The following AKAP9 variants were observed in gnomAD, a reference collection of about 807,000 sequenced individuals.
AKAP9 encodes A-kinase anchoring protein 9.
In AKAP9, 311 loss-of-function variants were observed where a neutral mutation model predicts 488.5. The observed-to-expected ratio is 0.64, with a 90% confidence interval of 0.58 to 0.70. The LOEUF is 0.70. Ranked by LOEUF, AKAP9 falls within the 30% of genes least tolerant of loss-of-function variation. The pLI is 0.00. For missense variants in AKAP9, 4,215 were observed against 4,374.5 expected, an observed-to-expected ratio of 0.96 and a Z score of 1.03; for synonymous variants, 1,462 against 1,483.5, an observed-to-expected ratio of 0.99 and a Z score of 0.33.
rs371664197 is a variant in AKAP9, at chr7:91,995,691, A to G, written c.821A>G (p.Gln274Arg). ...GCCAAACAACAGATCCTCACTCATCAACAGCAGCTTGAAGAACAAGACCAC... is the reference window on the plus strand; with the variant it reads ...GCCAAACAACAGATCCTCACTCATCGACAGCAGCTTGAAGAACAAGACCAC... ...LQAKQQILTH[Q>R]QQLEEQDHLL... The change falls in exon 7 of 50, where the codon CAA (glutamine) becomes CGA (arginine). Residue 274 changes from glutamine (Q) to arginine (R), a missense_variant. Gln to Arg is a conservative substitution (Grantham distance 43). Around this residue, in one of 5 missense-constraint regions of AKAP9, gnomAD observed 2,361 missense variants for 2,430.0 expected, o/e 0.97. Transcript: ENST00000356239. 6.2e-6 allele frequency: 10 copies of G among 1,614,108 alleles called. No homozygotes were observed. In the African/African-American group the frequency reaches 9.3e-5, roughly 15 times the overall value.
intron 16 of AKAP9, among the ~76,000 whole-genome samples, chr7:92,032,592 C>T (rs1208899905): frequency 1.3e-5 from 2 of 151,658 alleles, no homozygotes; most frequent in Non-Finnish European, 2.9e-5. Flanking sequence ...TATAACAATC[C>T]CAATGGAATA....
chr7:91,963,485 C>CACAA (rs1794013261), intron 1 of AKAP9, among the ~76,000 whole-genome samples: 1 of 83,168 alleles, frequency 1.2e-5, no homozygotes, highest in Non-Finnish European at 2.2e-5. Flanking sequence ...ATATTTGTCA[C>CACAA]ACACACACAC....
At chr7:92,043,375 A>G (rs1806429785) in intron 20 of AKAP9, 10 of 969,222 alleles carry the variant, frequency 1.0e-5, no homozygotes, top group Non-Finnish European at 1.2e-5. Flanking sequence ...CAAGAAAGAC[A>G]GTGTATGAAA....
chr7:92,097,870 G>C (rs773249426), intron 42 of AKAP9, 76 bp downstream of exon 42: 47 of 1,430,282 alleles, frequency 3.3e-5, no homozygotes, highest in Non-Finnish European at 4.3e-5. Context: ...GGGACAGCTA[G>C]CCAAGGGTGG....
At chr7:91,954,589 G>C (rs1213837082) in intron 1 of AKAP9, among the ~76,000 whole-genome samples, 1 of 152,184 alleles carries the variant, frequency 6.6e-6, no homozygotes, top group East Asian at 1.9e-4. Context: ...ACTTTAAAAA[G>C]AAAGAAGGGG....
intron 1 of AKAP9, among the ~76,000 whole-genome samples, chr7:91,971,136 G>A (rs767105303): frequency 1.2e-4 from 18 of 152,062 alleles, no homozygotes; most frequent in Admixed American, 1.2e-3. Context: ...ATATTTCGAG[G>A]TAATTTTCTG....
rs746651292 is a variant in AKAP9, at chr7:92,012,491, T to C, written c.3381T>C (p.His1127=). 10 of 1,613,940 alleles carry C rather than the reference T, an allele frequency of 6.2e-6. No homozygotes were observed. The East Asian group carries it at 6.7e-5, about 11-fold the overall frequency. ...GCCTCTCTCTGGTTTATTCAACTCA[T>C]GTGGATCAGGTTCGTGAATATATGG... ...RICLSLVYST[H]VDQVREYMEN... is the part of the protein sequence containing the mutation. The change falls in exon 9 of 50, where the codon CAT becomes CAC. Residue 1127 remains histidine, a synonymous_variant. Coordinates refer to ENST00000356239, the MANE Select transcript of AKAP9 (RefSeq NM_005751.5).
At chr7:92,010,337 G>T (rs773816118) in intron 8 of AKAP9, among the ~76,000 whole-genome samples, 3 of 152,206 alleles carry the variant, frequency 2.0e-5, no homozygotes, top group South Asian at 2.1e-4. Context: ...TTGATCATTC[G>T]CAGGACTGCT....
At chr7:91,955,450 G>GT (rs1792867094) in intron 1 of AKAP9, among the ~76,000 whole-genome samples, 1 of 151,996 alleles carries the variant, frequency 6.6e-6, no homozygotes, top group African/African-American at 2.4e-5. Flanking sequence ...TTCTAAATTT[G>GT]TTTATTTCCT....
chr7:91,985,898 C>G (rs1055313323), intron 3 of AKAP9, among the ~76,000 whole-genome samples: 3 of 152,158 alleles, frequency 2.0e-5, no homozygotes, highest in Admixed American at 2.0e-4. Flanking sequence ...CTCCCCACCT[C>G]GGCCTCCTAA....
intron 3 of AKAP9, among the ~76,000 whole-genome samples, chr7:91,985,674 G>T (rs892033386): frequency 6.6e-6 from 1 of 151,952 alleles, no homozygotes; most frequent in Admixed American, 6.6e-5. Context: ...CTGTGGCGGA[G>T]TCTCACTCTT....
chr7:92,002,371 G>A lies in AKAP9; in HGVS notation c.2454G>A (p.Trp818Ter). Residue 818 changes from tryptophan (W) to a stop codon, truncating the protein, a stop_gained, in exon 8 of 50, where the codon TGG becomes TGA. Transcript: ENST00000356239. LOFTEE classifies it high-confidence loss of function. ...AGTCCAAATCCAAAGACTCTGTGTGGGAAAAAGAAATAGAAATACTTATAG... is the reference window on the plus strand; with the variant it reads ...AGTCCAAATCCAAAGACTCTGTGTGAGAAAAAGAAATAGAAATACTTATAG... ...SIKSKSKDSV[W>*]EKEIEILIEE... is the part of the protein sequence containing the mutation. 1.2e-6 allele frequency: 2 copies of A among 1,611,438 alleles called. No homozygotes were observed. Among genetic ancestry groups the A allele is most frequent in the Non-Finnish European group, 1.7e-6 (2 of 1,179,014 alleles).
chr7:91,968,209 G>A (rs926192501), intron 1 of AKAP9, among the ~76,000 whole-genome samples: 1 of 152,206 alleles, frequency 6.6e-6, no homozygotes, highest in East Asian at 1.9e-4. Flanking sequence ...CTCTGAAAGT[G>A]CTGAGATTAC....
At chr7:92,052,662 T>C (rs772621473) in intron 21 of AKAP9, 64 bp from the exon 22 acceptor site, 287 of 1,194,478 alleles carry the variant, frequency 2.4e-4, no homozygotes, top group Non-Finnish European at 3.0e-4. Flanking sequence ...TGATGTTGTT[T>C]TATAACTTTA....
rs1418543515 is a variant in AKAP9, at chr7:91,940,880, A to AGATGGC, written c.-218_-213dup. The AGATGGC allele has an allele frequency of 1.7e-6, 1 of 599,922 alleles. No homozygotes were observed. The highest frequency in any genetic ancestry group is 2.8e-5 in the East Asian group (1 of 35,154). 37.2% of individuals were successfully genotyped at this position (599,922 alleles called of 1,614,324 possible). A position where few individuals can be genotyped will look rare whatever the true frequency, so the allele number is the denominator to read the frequency against. On this transcript the variant is annotated 5_prime_UTR_variant, in exon 1 of 50. The change creates a new upstream start codon in the 5' untranslated region. Transcript: ENST00000356239. ...TCGCCGTGTGTTTACGTGGAGACGA[A>AGATGGC]GATGGCGGCGGCGGCGGCGGTGACG...
chr7:91,947,387 G>C (rs1791592417), intron 1 of AKAP9, among the ~76,000 whole-genome samples: 1 of 151,534 alleles, frequency 6.6e-6, no homozygotes, highest in Non-Finnish European at 1.5e-5. Context: ...CTGTCACCCA[G>C]GCTGGAGTGC....
chr7:92,102,179 A>T (rs1289637902), intron 45 of AKAP9, among the ~76,000 whole-genome samples: 3 of 138,986 alleles, frequency 2.2e-5, no homozygotes, highest in African/African-American at 3.1e-5. Flanking sequence ...AAAAATAAAT[A>T]AATAAATAAA....
chr7:92,001,603 T>G lies in AKAP9; in HGVS notation c.1686T>G (p.His562Gln). ...AEQESKLNEAHKSLSTVEDLK... is the reference protein window; with the variant it reads ...AEQESKLNEAQKSLSTVEDLK... ...AAGAAAGTAAACTTAATGAAGCACA[T>G]AAGTCCCTTAGTACAGTGGAAGATT... The change falls in exon 8 of 50, where the codon CAT becomes CAG. Residue 562 changes from histidine to glutamine, a missense_variant. This residue lies in a region of AKAP9 where 2,361 missense variants were observed against 2,430.0 expected (regional missense o/e 0.97). Coordinates refer to ENST00000356239, the MANE Select transcript of AKAP9 (RefSeq NM_005751.5). 3 of 1,613,834 alleles carry G rather than the reference T, an allele frequency of 1.9e-6. No homozygotes were observed. The highest frequency in any genetic ancestry group is 1.7e-5 in the Admixed American group (1 of 59,996).
chr7:92,076,215 T>G (rs1231623569), intron 28 of AKAP9, among the ~76,000 whole-genome samples: 1 of 152,220 alleles, frequency 6.6e-6, no homozygotes, highest in Non-Finnish European at 1.5e-5. Context: ...TTTACCATTA[T>G]TCATAATCCA....
Sources: gnomAD v4.1 joint callset for allele counts (sites outside exome capture counted in the v4.1 genomes callset) on GRCh38, gnomAD v4.1.1 for gene constraint, gnomAD v4.1.1 regional missense constraint, MANE v1.5 for transcripts, NCBI Gene and HGNC (gene_info 2026-07-23, HGNC 2026-07-21) for gene names.